Variants in BLVRA observed in about 807,000 individuals in gnomAD.
The protein encoded by BLVRA is BVR A.
Under a neutral mutation model 32.8 loss-of-function variants are expected in BLVRA, and 22 were observed. That is an observed-to-expected ratio of 0.67 (90% CI 0.48 to 0.96). The LOEUF (loss-of-function observed/expected upper bound fraction) is 0.96, where lower values mean the gene tolerates loss of function less well. Among genes scored for constraint, BLVRA ranks in the 40% least tolerant of loss-of-function variants. BLVRA has a pLI of 0.00. For synonymous variants in BLVRA, 119 were observed against 141.3 expected (o/e 0.84, Z 1.12); for missense variants, 323 against 358.1 (o/e 0.90, Z 0.79).
chr7:43,791,616 GA>G, intron 4 of BLVRA: 1 of 478,120 alleles, frequency 2.1e-6, no homozygotes, highest in Non-Finnish European at 3.8e-6. Flanking sequence ...GAAACATTCA[GA>G]ATTAAAGTGT....
rs387906596 is a variant in BLVRA, at chr7:43,788,022, C to G, written c.131C>G (p.Ser44Trp). Residue 44 changes from serine to tryptophan, a missense_variant, in exon 3 of 8, where the codon TCG (serine) becomes TGG (tryptophan). Physicochemically the swap from Ser to Trp is radical, Grantham distance 177. Coordinates refer to ENST00000265523, the MANE Select transcript of BLVRA (RefSeq NM_000712.4). ...SAFLNLIGFV[S>W]RRELGSIDGV... The stretch of plus-strand genomic sequence containing the variant: ...TTCCTGAACCTGATTGGCTTCGTGT[C>G]GAGGTGGCTCACAATGTCTTTGTGC... 6.2e-7 allele frequency: 1 copy of G among 1,614,126 alleles called. No homozygotes were observed. Among genetic ancestry groups the G allele is most frequent in the Non-Finnish European group, 8.5e-7 (1 of 1,180,016 alleles).
In BLVRA at chr7:43,803,801, G is replaced by A. The variant is rs371055504; in HGVS notation, c.586G>A (p.Asp196Asn). The change falls in exon 7 of 8, where the codon GAT becomes AAT. Residue 196 changes from aspartate to asparagine, a missense_variant. By Grantham distance (23) the Asp-to-Asn change is conservative. Transcript: ENST00000265523. Reference sequence around the variant, plus strand: ...TGCCACTTTGGAAGAGCGAAAGGAAGATCAGTATATGAAAATGACAGTGTG... The same window carrying A: ...TGCCACTTTGGAAGAGCGAAAGGAAAATCAGTATATGAAAATGACAGTGTG... The part of the protein sequence containing the change: ...VSATLEERKE[D>N]QYMKMTVCLE... The A allele has an allele frequency of 6.2e-7, 1 of 1,614,078 alleles. No individual in the cohort carries two copies. Among genetic ancestry groups the A allele is most frequent in the African/African-American group, 1.3e-5 (1 of 74,928 alleles).
chr7:43,784,782 AT>A lies in BLVRA; in HGVS notation c.13-3117del, dbSNP rs542302593. Among the ~76,000 whole-genome samples the A allele has an allele frequency of 2.3e-3, 350 of 151,782 alleles. 1 individual carries two copies. The highest frequency in any genetic ancestry group is 8.1e-3 in the African/African-American group (335 of 41,404). On this transcript the variant is annotated intron_variant, in intron 2 of 7. Transcript: ENST00000265523. ...CCACCATACCTGGCTAATTTTTTGT[AT>A]TTTTAGTAGAGGCAGGGTTTCACTA...
intron 2 of BLVRA, among the ~76,000 whole-genome samples, chr7:43,786,192 A>G (rs2095777301): frequency 1.3e-5 from 2 of 152,220 alleles, no homozygotes; most frequent in African/African-American, 4.8e-5. Context: ...AAGGTTGGGG[A>G]AAAAATGTAT....
At chr7:43,793,140 C>T (rs1381945831) in intron 5 of BLVRA, among the ~76,000 whole-genome samples, 1 of 152,164 alleles carries the variant, frequency 6.6e-6, no homozygotes, top group Admixed American at 6.5e-5. Context: ...CTGGGATATC[C>T]TAAAAATGCT....
intron 5 of BLVRA, among the ~76,000 whole-genome samples, chr7:43,794,031 C>T (rs971504361): frequency 6.6e-6 from 1 of 151,694 alleles, no homozygotes; most frequent in Non-Finnish European, 1.5e-5. Context: ...TTATTTGAGC[C>T]CAGGAGTTTG....
Position 43,792,784 on chromosome 7 carries a change from G to A in BLVRA, c.324G>A (p.Gln108=). The change falls in exon 5 of 8, where the codon CAG becomes CAA. Residue 108 remains glutamine, a synonymous_variant. Transcript: ENST00000265523. ...YPMTLSLAAA[Q]ELWELAEQKG... Reference sequence around the variant, plus strand: ...TGACACTGTCATTGGCGGCCGCTCAGGAACTGTGGGAGCTGGCTGAGCAGA... The same window carrying A: ...TGACACTGTCATTGGCGGCCGCTCAAGAACTGTGGGAGCTGGCTGAGCAGA... 6.2e-7 allele frequency: 1 copy of A among 1,614,206 alleles called. No individual in the cohort carries two copies. The highest frequency in any genetic ancestry group is 8.5e-7 in the Non-Finnish European group (1 of 1,180,016).
intron 1 of BLVRA, among the ~76,000 whole-genome samples, chr7:43,761,368 T>C (rs1269490884): frequency 1.3e-5 from 2 of 152,236 alleles, no homozygotes; most frequent in Non-Finnish European, 2.9e-5. Flanking sequence ...TGTTATCCAA[T>C]AGAATTTTCT....
At chr7:43,758,344 CGGGGCCAGGCACACCGTGAG>C (rs1378450076), upstream of BLVRA, among the ~76,000 whole-genome samples, 17 of 125,010 alleles carry the variant, frequency 1.4e-4, no homozygotes, top group South Asian at 2.4e-4. Flanking sequence ...CCCCCCACGC[CGGGGCCAGGCACACCGTGAG>C]GGGGCCAGGC....
rs142232974 is a variant in BLVRA, at chr7:43,807,245, G to A, written c.*10G>A. The A allele has an allele frequency of 1.4e-4, 217 of 1,602,322 alleles. 1 individual carries two copies. The African/African-American group carries it at 2.6e-3, about 19-fold the overall frequency. On this transcript the variant is annotated 3_prime_UTR_variant, in exon 8 of 8. Coordinates refer to ENST00000265523, the MANE Select transcript of BLVRA (RefSeq NM_000712.4). ...CTGTTCAAGGAAGTAAGAGGAGGAG[G>A]TGATGTAGCACTTCCAAGATGGCAC...
chr7:43,773,994 T>C (rs1359896275), intron 2 of BLVRA, among the ~76,000 whole-genome samples: 1 of 152,062 alleles, frequency 6.6e-6, no homozygotes, highest in Admixed American at 6.6e-5. Flanking sequence ...TTGTTTGTTT[T>C]TTTCTTGTAA....
At position 43,791,917 on chromosome 7, in the gene BLVRA, C is replaced by T. The variant is rs144770238; in HGVS notation, c.254+549C>T. ...GCTGCTCCCACCATGCTGTTTCCCACGGGTAAGATGCTTCCTCTTTATCAG... is the reference window on the plus strand; with the variant it reads ...GCTGCTCCCACCATGCTGTTTCCCATGGGTAAGATGCTTCCTCTTTATCAG... On this transcript the variant is annotated intron_variant, in intron 4 of 7. Transcript: ENST00000265523. The T allele has an allele frequency of 4.9e-5, 8 of 162,780 alleles. No individual in the cohort carries two copies. In the South Asian group the frequency reaches 6.6e-4, roughly 13 times the overall value. The allele number at this position is 162,780 out of a possible 1,614,324, so 10.1% of individuals were successfully genotyped here.
In BLVRA at chr7:43,799,832, C is replaced by T. The variant is rs559929332; in HGVS notation, c.353-633C>T. ...TGCCTCCTCCTGTCTAGAACAGTAG[C>T]TAACTGTCTCCTGGCCCACAGACAC... On this transcript the variant is annotated intron_variant, in intron 5 of 7. Transcript: ENST00000265523. Among the ~76,000 whole-genome samples the T allele has an allele frequency of 2.6e-5, 4 of 152,202 alleles. No homozygotes were observed. In the East Asian group the frequency reaches 7.7e-4, roughly 29 times the overall value.
intron 1 of BLVRA, among the ~76,000 whole-genome samples, chr7:43,766,152 G>A (rs976925316): frequency 1.3e-4 from 19 of 151,994 alleles, no homozygotes; most frequent in African/African-American, 3.9e-4. Context: ...GTGGTGTGGT[G>A]GTAGGCGCCT....
intron 5 of BLVRA, among the ~76,000 whole-genome samples, chr7:43,796,133 A>AAAAAG (rs915075501): frequency 4.2e-4 from 63 of 151,384 alleles, no homozygotes; most frequent in East Asian, 1.5e-3. Flanking sequence ...AAAAAAAAAA[A>AAAAAG]AAAAGAAAAG....
At chr7:43,771,290 T>C in intron 2 of BLVRA, 120 bp downstream of exon 2, 1 of 1,200,260 alleles carries the variant, frequency 8.3e-7, no homozygotes, top group Non-Finnish European at 1.2e-6. Flanking sequence ...ACATTTCCCC[T>C]CTAGCCTACT....
chr7:43,792,573 C>T, intron 4 of BLVRA, 142 bp from the exon 5 acceptor site: 2 of 765,106 alleles, frequency 2.6e-6, no homozygotes, highest in Non-Finnish European at 4.5e-6. Context: ...TATCCCGTGG[C>T]ACTGACTCCT....
intron 2 of BLVRA, among the ~76,000 whole-genome samples, chr7:43,785,027 T>G (rs1483166244): frequency 1.3e-5 from 2 of 152,084 alleles, no homozygotes; most frequent in Non-Finnish European, 2.9e-5. Flanking sequence ...TGTATGCAAG[T>G]TTGTGTGTAT....
chr7:43,785,401 A>G (rs559675939), intron 2 of BLVRA, among the ~76,000 whole-genome samples: 2 of 152,170 alleles, frequency 1.3e-5, no homozygotes, highest in East Asian at 3.9e-4. Context: ...GAAATTGTCA[A>G]TTGTCAGTTG....
Sources: allele counts gnomAD v4.1 joint callset (sites outside exome capture counted in the v4.1 genomes callset), GRCh38; gene constraint gnomAD v4.1.1; transcripts MANE v1.5; gene names NCBI Gene and HGNC (gene_info 2026-07-23, HGNC 2026-07-21).